The following PALLD variants were observed in gnomAD, a reference collection of about 807,000 sequenced individuals.
PALLD encodes the protein palladin.
A neutral mutation model predicts 123.5 loss-of-function variants in PALLD; 61 were observed. The ratio of observed to expected loss-of-function variants is 0.49; its 90% CI spans 0.40 to 0.61. PALLD has a LOEUF of 0.61. Among genes scored for constraint, PALLD ranks in the 20% least tolerant of loss-of-function variants. The pLI is 0.00. For synonymous variants in PALLD, 465 were observed against 496.4 expected, an observed-to-expected ratio of 0.94 and a Z score of 0.84; for missense variants, 1,273 against 1,377.0, an observed-to-expected ratio of 0.92 and a Z score of 1.20.
intron 10 of PALLD, chr4:168,832,980 G>C (rs1387598517): frequency 2.6e-5 from 4 of 152,236 alleles, no homozygotes; most frequent in African/African-American, 9.6e-5. Context: ...GCCACGGCCG[G>C]GCCAACAAGG....
chr4:168,655,252 G>A (rs10012655), intron 2 of PALLD, among the ~76,000 whole-genome samples: 4,178 of 152,250 alleles, frequency 0.027, 109 homozygotes, highest in South Asian at 0.076. Flanking sequence ...AAAAGCATTC[G>A]GGAAGGAGGG....
At chr4:168,634,753 G>A (rs1245487839) in intron 2 of PALLD, among the ~76,000 whole-genome samples, 1 of 152,216 alleles carries the variant, frequency 6.6e-6, no homozygotes. Flanking sequence ...CATATGAAGT[G>A]TAGCGTAAAG....
At chr4:168,742,879 A>G (rs988074235) in intron 10 of PALLD, among the ~76,000 whole-genome samples, 5 of 152,212 alleles carry the variant, frequency 3.3e-5, no homozygotes, top group East Asian at 1.9e-4. Flanking sequence ...CCTTCAGACT[A>G]CAAAGAATGC....
chr4:168,910,285 T>A (rs1417363689), intron 15 of PALLD, among the ~76,000 whole-genome samples: 3 of 150,078 alleles, frequency 2.0e-5, no homozygotes, highest in African/African-American at 7.4e-5. Flanking sequence ...AGGATCTGTT[T>A]AGAGCTGAAT....
chr4:168,764,061 G>A (rs1288611431), intron 10 of PALLD, among the ~76,000 whole-genome samples: 6 of 151,988 alleles, frequency 3.9e-5, no homozygotes, highest in Middle Eastern at 6.8e-3. Context: ...AGAGTGCCAC[G>A]GATATAAATA....
intron 17 of PALLD, among the ~76,000 whole-genome samples, chr4:168,921,103 T>G (rs909874025): frequency 2.1e-4 from 32 of 152,122 alleles, no homozygotes; most frequent in African/African-American, 6.5e-4. Flanking sequence ...TAACATGAGC[T>G]GATACTAAAA....
chr4:168,708,270 G>GTCA (rs150158110), intron 8 of PALLD, among the ~76,000 whole-genome samples: 153 of 152,030 alleles, frequency 1.0e-3, no homozygotes, highest in African/African-American at 3.3e-3. Context: ...TCTTGTTATC[G>GTCA]TCATCATCAT....
At chr4:168,827,524 C>G (rs1372605775) in intron 10 of PALLD, among the ~76,000 whole-genome samples, 1 of 152,234 alleles carries the variant, frequency 6.6e-6, no homozygotes, top group Non-Finnish European at 1.5e-5. Context: ...AAAAGCTGAT[C>G]TTAAGCATTC....
At chr4:168,565,713 T>A (rs2052031118) in intron 2 of PALLD, among the ~76,000 whole-genome samples, 1 of 152,174 alleles carries the variant, frequency 6.6e-6, no homozygotes, top group East Asian at 1.9e-4. Flanking sequence ...GTATTACTAG[T>A]TTATTAGTGA....
chr4:168,799,391 T>C (rs1477292309), intron 10 of PALLD, among the ~76,000 whole-genome samples: 1 of 152,204 alleles, frequency 6.6e-6, no homozygotes, highest in East Asian at 1.9e-4. Flanking sequence ...AGTCAGCTGA[T>C]TGGAAAGGTA....
intron 21 of PALLD, 108 bp from the exon 22 acceptor site, chr4:168,926,105 G>T: frequency 1.1e-6 from 1 of 900,020 alleles, no homozygotes; most frequent in Non-Finnish European, 1.6e-6. Context: ...CCATGGATGT[G>T]TTCAGGTGCC....
At chr4:168,582,591 G>A (rs1270684790) in intron 2 of PALLD, among the ~76,000 whole-genome samples, 1 of 152,038 alleles carries the variant, frequency 6.6e-6, no homozygotes, top group Non-Finnish European at 1.5e-5. Context: ...TTAGTATATT[G>A]AGGAACATTT....
At chr4:168,505,590 G>C (rs1761922120) in intron 1 of PALLD, among the ~76,000 whole-genome samples, 1 of 152,206 alleles carries the variant, frequency 6.6e-6, no homozygotes, top group Non-Finnish European at 1.5e-5. Flanking sequence ...AGATGGTAAA[G>C]TGCATAGAAC....
chr4:168,912,981 G>C (rs1759307703), intron 15 of PALLD, among the ~76,000 whole-genome samples: 1 of 151,894 alleles, frequency 6.6e-6, no homozygotes, highest in Non-Finnish European at 1.5e-5. Context: ...GTATTTAACT[G>C]CTTCTAGTTT....
At chr4:168,574,679 T>C (rs1769364931) in intron 2 of PALLD, among the ~76,000 whole-genome samples, 1 of 152,072 alleles carries the variant, frequency 6.6e-6, no homozygotes, top group South Asian at 2.1e-4. Flanking sequence ...CATTTTATTG[T>C]CTCTCCCATT....
intron 2 of PALLD, among the ~76,000 whole-genome samples, chr4:168,522,882 A>G (rs1240639118): frequency 2.0e-5 from 3 of 152,178 alleles, no homozygotes; most frequent in Non-Finnish European, 4.4e-5. Flanking sequence ...GAGAAATCCA[A>G]TCAAAAGCTT....
chr4:168,604,472 A>G (rs780224703), intron 2 of PALLD, among the ~76,000 whole-genome samples: 1 of 152,224 alleles, frequency 6.6e-6, no homozygotes, highest in Non-Finnish European at 1.5e-5. Context: ...CAAAAATGAT[A>G]TAACAGTGCC....
At chr4:168,616,218 C>T (rs1438784552) in intron 2 of PALLD, among the ~76,000 whole-genome samples, 1 of 152,098 alleles carries the variant, frequency 6.6e-6, no homozygotes, top group East Asian at 1.9e-4. Context: ...TTTTGAATCG[C>T]ACAGAGAAGG....
At position 168,898,595 on chromosome 4, in the gene PALLD, G is replaced by A; in HGVS notation, c.2353G>A (p.Asp785Asn). The change falls in exon 14 of 22, where the codon GAT (aspartate) becomes AAT (asparagine). Residue 785 changes from aspartate (D) to asparagine (N), a missense_variant. By Grantham distance (23) the Asp-to-Asn change is conservative. This residue lies in a region of PALLD where 944 missense variants were observed against 954.5 expected (regional missense o/e 0.99). Coordinates refer to ENST00000505667, the MANE Select transcript of PALLD (RefSeq NM_001166108.2). ...DESGDEVQYG[D>N]VPVENGMAPF... ...ATCAGGTGATGAAGTTCAGTATGGA[G>A]ATGTGCCTGTGGAAAATGGAATGGC... is the stretch of plus-strand genomic sequence containing the variant. The A allele has an allele frequency of 6.2e-7, 1 of 1,613,674 alleles. No individual in the cohort carries two copies. Among genetic ancestry groups the A allele is most frequent in the Non-Finnish European group, 8.5e-7 (1 of 1,179,558 alleles).
Sources: allele counts gnomAD v4.1 joint callset (sites outside exome capture counted in the v4.1 genomes callset), GRCh38; gene constraint gnomAD v4.1.1; regional missense constraint gnomAD v4.1.1; transcripts MANE v1.5; gene names NCBI Gene and HGNC (gene_info 2026-07-23, HGNC 2026-07-21).